The following PDE10A variants were observed in gnomAD, a reference collection of about 807,000 sequenced individuals.
PDE10A encodes cAMP and cAMP-inhibited cGMP 3',5'-cyclic phosphodiesterase 10A.
A neutral mutation model predicts 97.7 loss-of-function variants in PDE10A; 39 were observed. That is an observed-to-expected ratio of 0.40 (90% CI 0.31 to 0.52). PDE10A has a LOEUF of 0.52. Among genes scored for constraint, PDE10A ranks in the 20% least tolerant of loss-of-function variants. The probability of loss-of-function intolerance (pLI) is 0.56; values close to 1 mark genes in which losing one functional copy is unlikely to be tolerated. For missense variants in PDE10A, 731 were observed against 1,047.8 expected (o/e 0.70, Z 4.17); for synonymous variants, 371 against 376.8 (o/e 0.98, Z 0.18).
chr6:165,660,670 G>C (rs1426717073), intron 1 of PDE10A: 4 of 152,808 alleles, frequency 2.6e-5, no homozygotes, highest in Non-Finnish European at 2.9e-5. Context: ...GACCCGGGTC[G>C]GCCAAAGCCT....
At chr6:165,838,727 A>G (rs1223336326) in intron 1 of PDE10A, among the ~76,000 whole-genome samples, 1 of 152,228 alleles carries the variant, frequency 6.6e-6, no homozygotes, top group African/African-American at 2.4e-5. Flanking sequence ...GCGAGATCTC[A>G]GGCAAATCAC....
chr6:165,327,381 A>T lies in PDE10A; in HGVS notation c.*5644T>A, dbSNP rs931578812. 6.6e-6 allele frequency: 1 copy of T among 152,192 alleles called. No homozygotes were observed. Among genetic ancestry groups the T allele is most frequent in the African/African-American group, 2.4e-5 (1 of 41,448 alleles). The allele number at this position is 152,192 out of a possible 1,614,324, so 9.4% of individuals were successfully genotyped here. Reference sequence around the variant, plus strand: ...AATATATTTCATGTATCATACATATATATATTTTATGTGTATAATTACATA... The same window carrying T: ...AATATATTTCATGTATCATACATATTTATATTTTATGTGTATAATTACATA... On this transcript the variant is annotated 3_prime_UTR_variant, in exon 22 of 22. Transcript: ENST00000539869.
chr6:165,334,280 T>A (rs1286498893), intron 21 of PDE10A, among the ~76,000 whole-genome samples: 1 of 150,678 alleles, frequency 6.6e-6, no homozygotes, highest in Non-Finnish European at 1.5e-5. Context: ...CATAGCGCCC[T>A]ACAGCGCCGG....
intron 1 of PDE10A, among the ~76,000 whole-genome samples, chr6:165,634,200 G>C (rs1231031174): frequency 6.6e-6 from 1 of 152,164 alleles, no homozygotes; most frequent in Admixed American, 6.5e-5. Context: ...CCGATCAGCG[G>C]ATCTGCAGGG....
At chr6:165,844,657 T>C (rs1363396889) in intron 1 of PDE10A, among the ~76,000 whole-genome samples, 2 of 152,254 alleles carry the variant, frequency 1.3e-5, no homozygotes, top group African/African-American at 2.4e-5. Context: ...TTTTAAGCCT[T>C]ATTCATTTTG....
intron 2 of PDE10A, among the ~76,000 whole-genome samples, chr6:165,504,739 A>G (rs1781093137): frequency 6.6e-6 from 1 of 152,098 alleles, no homozygotes; most frequent in African/African-American, 2.4e-5. Flanking sequence ...ACTAATAATA[A>G]CCTAATATAT....
At chr6:165,766,090 C>T (rs1777843601) in intron 1 of PDE10A, among the ~76,000 whole-genome samples, 1 of 152,184 alleles carries the variant, frequency 6.6e-6, no homozygotes, top group African/African-American at 2.4e-5. Context: ...TAACTCTTCT[C>T]AGCTTGTTAG....
Position 165,941,670 on chromosome 6 carries a change from G to A in PDE10A, c.-615+45859C>T, listed in dbSNP as rs543551335. Among the ~76,000 whole-genome samples the A allele has an allele frequency of 8.9e-4, 136 of 152,212 alleles. 1 individual carries two copies. The highest frequency in any genetic ancestry group is 3.1e-3 in the African/African-American group (129 of 41,524). Reference sequence around the variant, plus strand: ...TGCTCCTGCTTTTGCCATGTGATGTGCCTGCTCTCCCTTTGCCTTCTGCCA... The same window carrying A: ...TGCTCCTGCTTTTGCCATGTGATGTACCTGCTCTCCCTTTGCCTTCTGCCA... On this transcript the variant is annotated intron_variant, in intron 1 of 19. Transcript: ENST00000366882.
At chr6:165,402,410 A>G (rs541048141) in intron 13 of PDE10A, among the ~76,000 whole-genome samples, 1 of 152,240 alleles carries the variant, frequency 6.6e-6, no homozygotes, top group East Asian at 1.9e-4. Context: ...TTTCTAAATG[A>G]CCTTTAATAT....
chr6:165,412,672 T>C (rs527327975), intron 13 of PDE10A, among the ~76,000 whole-genome samples: 1 of 152,252 alleles, frequency 6.6e-6, no homozygotes, highest in African/African-American at 2.4e-5. Context: ...GTTTTACCAA[T>C]GCTTGTCCCT....
intron 1 of PDE10A, among the ~76,000 whole-genome samples, chr6:165,586,276 A>G (rs1785906694): frequency 6.6e-6 from 1 of 152,200 alleles, no homozygotes; most frequent in Non-Finnish European, 1.5e-5. Flanking sequence ...CAGGTCAACA[A>G]TATAATGAGA....
intron 1 of PDE10A, among the ~76,000 whole-genome samples, chr6:165,735,021 GTAGT>G (rs1398788941): frequency 1.4e-4 from 18 of 131,670 alleles, no homozygotes; most frequent in African/African-American, 4.3e-4. Flanking sequence ...AGATAGGTAG[GTAGT>G]TAGGTAGGTA....
intron 1 of PDE10A, among the ~76,000 whole-genome samples, chr6:165,864,972 T>C (rs1194655072): frequency 6.6e-6 from 1 of 152,252 alleles, no homozygotes; most frequent in Non-Finnish European, 1.5e-5. Flanking sequence ...ATGACTTTAC[T>C]CTTTAAAATA....
intron 1 of PDE10A, among the ~76,000 whole-genome samples, chr6:165,876,594 T>A (rs1781351347): frequency 6.6e-6 from 1 of 152,178 alleles, no homozygotes; most frequent in African/African-American, 2.4e-5. Flanking sequence ...TCCTCTATAT[T>A]TTCCATTAGA....
chr6:165,790,792 C>G (rs1778625083), intron 1 of PDE10A, among the ~76,000 whole-genome samples: 1 of 152,094 alleles, frequency 6.6e-6, no homozygotes, highest in South Asian at 2.1e-4. Flanking sequence ...CACACTGTGT[C>G]CTGTGATGTG....
At chr6:165,620,605 A>G (rs3008024) in intron 1 of PDE10A, among the ~76,000 whole-genome samples, 29,533 of 152,098 alleles carry the variant, frequency 0.19, 4,335 homozygotes, top group African/African-American at 0.42. Flanking sequence ...TGGGGTGGCC[A>G]AAGGCAGAGG....
chr6:165,813,308 T>C (rs188985009), intron 1 of PDE10A, among the ~76,000 whole-genome samples: 1 of 146,970 alleles, frequency 6.8e-6, no homozygotes, highest in Admixed American at 6.7e-5. Context: ...GAAGTTTGAA[T>C]CAGTTCTGTA....
At chr6:165,373,608 T>G (rs1003582576) in intron 18 of PDE10A, among the ~76,000 whole-genome samples, 2 of 151,978 alleles carry the variant, frequency 1.3e-5, no homozygotes, top group African/African-American at 2.4e-5. Context: ...TATGGAGAAA[T>G]AGGAACACTT....
intron 1 of PDE10A, among the ~76,000 whole-genome samples, chr6:165,770,016 CAG>C (rs1351348216): frequency 6.6e-6 from 1 of 152,172 alleles, no homozygotes. Flanking sequence ...CGTCTCAAGA[CAG>C]ATGTACTAAC....
Sources: allele counts gnomAD v4.1 joint callset (sites outside exome capture counted in the v4.1 genomes callset), GRCh38; gene constraint gnomAD v4.1.1; transcripts MANE v1.5; gene names NCBI Gene and HGNC (gene_info 2026-07-23, HGNC 2026-07-21).